CAPRIN1: variants seen among roughly 807,000 people sequenced by gnomAD.
CAPRIN1 encodes caprin-1.
Under a neutral mutation model 100.9 loss-of-function variants are expected in CAPRIN1, and 29 were observed. The observed-to-expected ratio is 0.29, with a 90% CI of 0.21 to 0.39. The LOEUF (loss-of-function observed/expected upper bound fraction) is 0.39, where lower values mean the gene tolerates loss of function less well. CAPRIN1 is among the 10% of genes least tolerant of loss of function. The probability of loss-of-function intolerance (pLI) is 1.00; values close to 1 mark genes in which losing one functional copy is unlikely to be tolerated. For synonymous variants in CAPRIN1, 338 were observed against 307.5 expected, an observed-to-expected ratio of 1.10 and a Z score of -1.04; for missense variants, 795 against 876.7, an observed-to-expected ratio of 0.91 and a Z score of 1.18.
At chr11:34,083,604 C>T (rs978521511) in intron 9 of CAPRIN1, among the ~76,000 whole-genome samples, 1 of 152,204 alleles carries the variant, frequency 6.6e-6, no homozygotes, top group Non-Finnish European at 1.5e-5. Flanking sequence ...TTGAGGCTCT[C>T]AGTGATGCCT....
At chr11:34,098,144 A>AT (rs1046640058) in intron 18 of CAPRIN1, 2 of 1,004,054 alleles carry the variant, frequency 2.0e-6, no homozygotes, top group African/African-American at 1.7e-5. Flanking sequence ...TTCCTCTTTC[A>AT]TTTTTTTGAA....
In CAPRIN1 at chr11:34,051,813, A is replaced by G. The variant is rs7950888; in HGVS notation, c.-59A>G. On this transcript the variant is annotated 5_prime_UTR_variant, in exon 1 of 19. Transcript: ENST00000341394. ...CGCGCGACACTGCCCGGAAGGGACC[A>G]CCACCCTTGCCCCCTCAGCTGCCCA... 0.99 allele frequency: 151,560 copies of G among 152,716 alleles called. 75,218 individuals carry two copies. The highest frequency in any genetic ancestry group is 1 in the East Asian group (5,114 of 5,114). 9.5% of individuals were successfully genotyped at this position (152,716 alleles called of 1,614,324 possible).
chr11:34,071,604 A>G (rs1850805534), intron 2 of CAPRIN1, 122 bp from the exon 3 acceptor site: 1 of 717,878 alleles, frequency 1.4e-6, no homozygotes, highest in Admixed American at 2.9e-5. Flanking sequence ...AATATATCTT[A>G]AAAGTTTATT....
In CAPRIN1 at chr11:34,082,849, C is replaced by T; in HGVS notation, c.851C>T (p.Thr284Ile). ...EAEPEPAEEY[T>I]EQSEVESTEY... is the part of the protein sequence containing the mutation. ...GAACCTGAGCCAGCAGAAGAGTACA[C>T]TGAGCAAAGTGAAGTTGAATCAACA... Residue 284 changes from threonine (T) to isoleucine (I), a missense_variant, in exon 8 of 19, where the codon ACT becomes ATT. Thr to Ile is a moderately conservative substitution (Grantham distance 89). Transcript: ENST00000341394. 6.2e-7 allele frequency: 1 copy of T among 1,613,942 alleles called. No homozygotes were observed. The highest frequency in any genetic ancestry group is 8.5e-7 in the Non-Finnish European group (1 of 1,179,966).
At chr11:34,053,925 A>G (rs1198253139) in intron 2 of CAPRIN1, among the ~76,000 whole-genome samples, 2 of 152,126 alleles carry the variant, frequency 1.3e-5, no homozygotes, top group Non-Finnish European at 2.9e-5. Context: ...GATAACTTCT[A>G]CTTGTCTGCC....
At chr11:34,091,652 T>G in intron 14 of CAPRIN1, 1 of 286,942 alleles carries the variant, frequency 3.5e-6, no homozygotes, top group Non-Finnish European at 6.4e-6. Flanking sequence ...TGATTGCATG[T>G]CTTTTTATTT....
rs565517770 is a variant in CAPRIN1 at position 34,101,009 on chromosome 11, T to G, written c.*1642T>G. On this transcript the variant is annotated 3_prime_UTR_variant, in exon 19 of 19. Transcript: ENST00000341394. ...CAAAACTATTCTCAAACATTCATCA[T>G]TAGACAACTGGAGTTTTTGCTGGTT... The G allele has an allele frequency of 2.2e-4, 34 of 152,770 alleles. No homozygotes were observed. Among genetic ancestry groups the G allele is most frequent in the African/African-American group, 7.5e-4 (31 of 41,576 alleles). The allele number at this position is 152,770 out of a possible 1,614,324, so 9.5% of individuals were successfully genotyped here.
Position 34,076,426 on chromosome 11 carries a change from T to G in CAPRIN1, c.557T>G (p.Leu186Trp). 6.2e-7 allele frequency: 1 copy of G among 1,614,216 alleles called. No individual in the cohort carries two copies. Among genetic ancestry groups the G allele is most frequent in the Non-Finnish European group, 8.5e-7 (1 of 1,180,038 alleles). The part of the protein sequence containing the change: ...PILSEEELSL[L>W]DEFYKLVDPE... Reference sequence around the variant, plus strand: ...TTGTCCGAAGAGGAGTTGTCATTGTTGGATGAATTCTATAAGCTAGTAGAC... The same window carrying G: ...TTGTCCGAAGAGGAGTTGTCATTGTGGGATGAATTCTATAAGCTAGTAGAC... Residue 186 changes from leucine (L) to tryptophan (W), a missense_variant, in exon 5 of 19, where the codon TTG becomes TGG. Transcript: ENST00000341394.
chr11:34,082,931 T>G, intron 8 of CAPRIN1, 24 bp from the exon 9 acceptor site: 2 of 1,613,126 alleles, frequency 1.2e-6, no homozygotes, highest in Non-Finnish European at 1.7e-6. Context: ...AACAAATGTC[T>G]CAAACATTTA....
rs139066359 is a variant in CAPRIN1, at chr11:34,062,392, G to A, written c.217-9334G>A. On this transcript the variant is annotated intron_variant, in intron 2 of 18. Coordinates refer to ENST00000341394, the MANE Select transcript of CAPRIN1 (RefSeq NM_005898.5). ...TGTAATCCCAGCACTTTGGGAGGCC[G>A]AGGCGGGCGGATCACGAGGTCAGGA... Among the ~76,000 whole-genome samples, 919 of 152,246 alleles carry A rather than the reference G, an allele frequency of 6.0e-3. 11 individuals carry two copies. Among genetic ancestry groups the A allele is most frequent in the African/African-American group, 0.021 (867 of 41,556 alleles).
rs1208521677 is a variant in CAPRIN1 at position 34,102,386 on chromosome 11, T to C, written c.*3019T>C. ...ATCTGCATTCCACTTGGGTTGTTTT[T>C]AAGCATTCTAAATTTTAGTTGATTA... On this transcript the variant is annotated 3_prime_UTR_variant, in exon 19 of 19. Coordinates refer to ENST00000341394, the MANE Select transcript of CAPRIN1 (RefSeq NM_005898.5). 6.6e-6 allele frequency among the ~76,000 whole-genome samples: 1 copy of C among 152,224 alleles called. No individual in the cohort carries two copies. The highest frequency in any genetic ancestry group is 1.5e-5 in the Non-Finnish European group (1 of 68,026).
In CAPRIN1 at chr11:34,098,926, T is replaced by C. The variant is rs115829510; in HGVS notation, c.2066-377T>C. On this transcript the variant is annotated intron_variant, in intron 18 of 18. Transcript: ENST00000341394. ...TGTTACTTACTACTGAAATGTAAGC[T>C]AGAGTGTACACTAGAATGTAAGCTC... 2.8e-4 allele frequency: 296 copies of C among 1,043,752 alleles called. 1 individual carries two copies. The African/African-American group carries it at 4.6e-3, about 16-fold the overall frequency. 64.7% of individuals were successfully genotyped at this position (1,043,752 alleles called of 1,614,324 possible).
At chr11:34,064,488 C>T (rs1051569721) in intron 2 of CAPRIN1, among the ~76,000 whole-genome samples, 1 of 152,188 alleles carries the variant, frequency 6.6e-6, no homozygotes, top group Non-Finnish European at 1.5e-5. Flanking sequence ...TGGAGAAGTG[C>T]AGATACCATA....
Position 34,100,210 on chromosome 11 carries a change from A to G in CAPRIN1, c.*843A>G, listed in dbSNP as rs940497820. 2 of 152,318 alleles carry G rather than the reference A, an allele frequency of 1.3e-5. No homozygotes were observed. The highest frequency in any genetic ancestry group is 2.1e-4 in the South Asian group (1 of 4,828). The allele number at this position is 152,318 out of a possible 1,614,324, so 9.4% of individuals were successfully genotyped here. ...ATCTATCATTCCTTATGACATGTACATTGTCTGTCACTAATCCTTGGATTT... is the reference window on the plus strand; with the variant it reads ...ATCTATCATTCCTTATGACATGTACGTTGTCTGTCACTAATCCTTGGATTT... On this transcript the variant is annotated 3_prime_UTR_variant, in exon 19 of 19. Coordinates refer to ENST00000341394, the MANE Select transcript of CAPRIN1 (RefSeq NM_005898.5).
chr11:34,086,225 T>A lies in CAPRIN1; in HGVS notation c.1122+6T>A, dbSNP rs113256282. On this transcript the variant is annotated splice_donor_region_variant and intron_variant, in intron 10 of 18. Transcript: ENST00000341394. ...GTCCCTATAATTTCATACAGGTATG[T>A]TCATTTTAGTCAGACTCTGTAACAG... The A allele has an allele frequency of 4.2e-5, 68 of 1,613,496 alleles. 1 individual carries two copies. The highest frequency in any genetic ancestry group is 4.1e-4 in the African/African-American group (31 of 75,030).
chr11:34,068,837 T>A (rs1305147222), intron 2 of CAPRIN1, among the ~76,000 whole-genome samples: 6 of 152,230 alleles, frequency 3.9e-5, no homozygotes, highest in Non-Finnish European at 8.8e-5. Context: ...AAACATTTTT[T>A]AGGAGTTTGA....
rs1020134717 is a variant in CAPRIN1, at chr11:34,070,890, C to T, written c.217-836C>T. Reference sequence around the variant, plus strand: ...GCTGATTTTGTATTTTTAGTAGAGACGAGGTTTCTCCATGTTGGTCAGGCT... The same window carrying T: ...GCTGATTTTGTATTTTTAGTAGAGATGAGGTTTCTCCATGTTGGTCAGGCT... On this transcript the variant is annotated intron_variant, in intron 2 of 18. Coordinates refer to ENST00000341394, the MANE Select transcript of CAPRIN1 (RefSeq NM_005898.5). Among the ~76,000 whole-genome samples the T allele has an allele frequency of 2.7e-5, 4 of 150,160 alleles. No individual in the cohort carries two copies. The East Asian group carries it at 5.9e-4, about 22-fold the overall frequency.
At chr11:34,071,587 A>C in intron 2 of CAPRIN1, 139 bp from the exon 3 acceptor site, 1 of 634,594 alleles carries the variant, frequency 1.6e-6, no homozygotes, top group Non-Finnish European at 2.7e-6. Flanking sequence ...TTATGTACTT[A>C]AACTGGAATA....
At chr11:34,096,709 T>A (rs757222785) in intron 16 of CAPRIN1, 36 bp downstream of exon 16, 151 of 1,489,826 alleles carry the variant, frequency 1.0e-4, no homozygotes, top group Non-Finnish European at 1.4e-4. Context: ...AATGACCTTT[T>A]ACTAGTTCAA....
Sources: gnomAD v4.1 joint callset for allele counts (sites outside exome capture counted in the v4.1 genomes callset) on GRCh38, gnomAD v4.1.1 for gene constraint, MANE v1.5 for transcripts, NCBI Gene and HGNC (gene_info 2026-07-23, HGNC 2026-07-21) for gene names.